Variants in TRIM16 observed in about 807,000 individuals in gnomAD.
TRIM16 encodes the protein tripartite motif containing 16, also known as tripartite motif-containing protein 16.
A neutral mutation model predicts 50.4 loss-of-function variants in TRIM16; 33 were observed. The observed-to-expected ratio is 0.65, with a 90% CI of 0.50 to 0.88. TRIM16 has a LOEUF of 0.88. Ranked by LOEUF, TRIM16 falls within the 40% of genes least tolerant of loss-of-function variation. The probability of loss-of-function intolerance (pLI) is 0.00; values close to 1 mark genes in which losing one functional copy is unlikely to be tolerated. For missense variants in TRIM16, 581 were observed against 686.8 expected (o/e 0.85, Z 1.72); for synonymous variants, 229 against 270.7 (o/e 0.85, Z 1.51).
intron 7 of TRIM16, among the ~76,000 whole-genome samples, chr17:15,650,036 G>C (rs558343235): frequency 2.0e-5 from 3 of 152,194 alleles, no homozygotes; most frequent in Non-Finnish European, 4.4e-5. Context: ...TGACTCATTG[G>C]CATCTGGAAT....
chr17:15,676,422 G>T (rs1482164894), intron 6 of TRIM16, among the ~76,000 whole-genome samples: 1 of 135,212 alleles, frequency 7.4e-6, no homozygotes, highest in African/African-American at 2.9e-5. Flanking sequence ...AGAAACCTGA[G>T]AATTTTTTCT....
intron 7 of TRIM16, among the ~76,000 whole-genome samples, chr17:15,645,957 A>G (rs1372080929): frequency 2.6e-5 from 4 of 152,138 alleles, no homozygotes; most frequent in Non-Finnish European, 5.9e-5. Context: ...TCCAGGGGAG[A>G]GAAAAGGAAC....
At chr17:15,679,079 A>G (rs1989069520) in intron 4 of TRIM16, among the ~76,000 whole-genome samples, 1 of 152,074 alleles carries the variant, frequency 6.6e-6, no homozygotes, top group Non-Finnish European at 1.5e-5. Flanking sequence ...GGATCTCACC[A>G]TGTTGTCCAG....
At chr17:15,673,646 C>A in intron 6 of TRIM16, among the ~76,000 whole-genome samples, 1 of 150,574 alleles carries the variant, frequency 6.6e-6, no homozygotes. Flanking sequence ...TTCATGGAAA[C>A]CAAAAAAGTT....
intron 8 of TRIM16, among the ~76,000 whole-genome samples, chr17:15,639,458 G>A (rs1987016693): frequency 6.7e-6 from 1 of 148,272 alleles, no homozygotes; most frequent in Non-Finnish European, 1.5e-5. Flanking sequence ...CAGGATTAAG[G>A]AAGAGCGGGG....
chr17:15,662,690 C>T (rs762746196), intron 6 of TRIM16, among the ~76,000 whole-genome samples: 17 of 152,228 alleles, frequency 1.1e-4, no homozygotes, highest in African/African-American at 1.7e-4. Context: ...GCTGACTACA[C>T]ATTCTGTGCA....
intron 6 of TRIM16, among the ~76,000 whole-genome samples, chr17:15,670,423 C>T (rs951614503): frequency 1.3e-5 from 2 of 152,166 alleles, no homozygotes; most frequent in African/African-American, 4.8e-5. Flanking sequence ...CGAAGCGTCC[C>T]TATGCCCATT....
chr17:15,636,245 C>G lies in TRIM16; in HGVS notation c.640G>C (p.Val214Leu). 6.2e-7 allele frequency: 1 copy of G among 1,608,608 alleles called. No individual in the cohort carries two copies. Among genetic ancestry groups the G allele is most frequent in the African/African-American group, 1.4e-5 (1 of 73,846 alleles). The change falls in exon 9 of 12, where the codon GTG becomes CTG. Residue 214 changes from valine to leucine, a missense_variant. Val to Leu is a conservative substitution (Grantham distance 32). Around this residue, in one of 3 missense-constraint regions of TRIM16, gnomAD observed 450 missense variants for 544.3 expected, o/e 0.83. Coordinates refer to ENST00000649191, the MANE Select transcript of TRIM16 (RefSeq NM_001348119.1). ...AGTTCCCCAAACTGCATTTCAGCCA[C>G]CGCTTTGACCTCTGACACCGACACC... ...VLVSVSEVKA[V>L]AEMQFGELLA...
At position 15,651,825 on chromosome 17, in the gene TRIM16, G is replaced by T; in HGVS notation, c.-216C>A. ...ACGACAAGGCAGCTAGAGTACTCAG[G>T]CTCAGGACAGCCGGCTCAGGCTCAG... On this transcript the variant is annotated 5_prime_UTR_variant, in exon 7 of 12. Transcript: ENST00000649191. 7.0e-7 allele frequency: 1 copy of T among 1,437,722 alleles called. No homozygotes were observed. Among genetic ancestry groups the T allele is most frequent in the South Asian group, 1.5e-5 (1 of 67,752 alleles). 89.1% of individuals were successfully genotyped at this position (1,437,722 alleles called of 1,614,324 possible). A position where few individuals can be genotyped will look rare whatever the true frequency, so the allele number is the denominator to read the frequency against.
intron 6 of TRIM16, among the ~76,000 whole-genome samples, chr17:15,664,464 G>A (rs1563010): frequency 0.026 from 4,003 of 152,284 alleles, 110 homozygotes; most frequent in East Asian, 0.13. Context: ...CATTCTAGGA[G>A]GCCGAGGTGG....
At chr17:15,682,821 T>C (rs2151433802) in intron 3 of TRIM16, 33 bp downstream of exon 3, 6 of 1,400,280 alleles carry the variant, frequency 4.3e-6, no homozygotes, top group Non-Finnish European at 5.5e-6. Flanking sequence ...AAGGGAATAT[T>C]AGTAAAATCA....
At chr17:15,683,678 G>C (rs1218699937) in intron 1 of TRIM16, 1 of 156,844 alleles carries the variant, frequency 6.4e-6, no homozygotes, top group African/African-American at 2.4e-5. Flanking sequence ...CCACTTAATA[G>C]TAGGTACAAC....
At chr17:15,681,898 C>A (rs1989199430) in intron 3 of TRIM16, among the ~76,000 whole-genome samples, 2 of 152,174 alleles carry the variant, frequency 1.3e-5, no homozygotes, top group Non-Finnish European at 2.9e-5. Context: ...TCAGTTATTA[C>A]CAAGTACAGG....
chr17:15,652,101 G>T, intron 6 of TRIM16, 155 bp from the exon 7 acceptor site: 1 of 341,298 alleles, frequency 2.9e-6, no homozygotes, highest in Non-Finnish European at 4.2e-6. Flanking sequence ...CCATCTCATA[G>T]AACTGGACAT....
rs1470206438 is a variant in TRIM16, at chr17:15,651,305, T to G, written c.305A>C (p.Glu102Ala). 6.2e-7 allele frequency: 1 copy of G among 1,614,122 alleles called. No individual in the cohort carries two copies. Among genetic ancestry groups the G allele is most frequent in the African/African-American group, 1.3e-5 (1 of 74,938 alleles). Reference sequence around the variant, plus strand: ...CACCTGATGCGGCTGCAAGTGCTCTTCACAGTAATTCACCATGCAGGTTAG... The same window carrying G: ...CACCTGATGCGGCTGCAAGTGCTCTGCACAGTAATTCACCATGCAGGTTAG... Reference protein sequence around the residue: ...SCLTCMVNYCEEHLQPHQVNI... With the variant: ...SCLTCMVNYCAEHLQPHQVNI... The change falls in exon 7 of 12, where the codon GAA (glutamate) becomes GCA (alanine). Residue 102 changes from glutamate (E) to alanine (A), a missense_variant. Physicochemically the swap from Glu to Ala is moderately radical, Grantham distance 107 (BLOSUM62 -1). This residue lies in a region of TRIM16 where 450 missense variants were observed against 544.3 expected (regional missense o/e 0.83). Transcript: ENST00000649191.
At chr17:15,642,000 G>A (rs1333999337) in intron 8 of TRIM16, among the ~76,000 whole-genome samples, 2 of 148,344 alleles carry the variant, frequency 1.3e-5, no homozygotes, top group Non-Finnish European at 1.5e-5. Flanking sequence ...GCACCACCAT[G>A]CCTGGCTAAT....
At position 15,642,431 on chromosome 17, in the gene TRIM16, C is replaced by T. The variant is rs538131729; in HGVS notation, c.615+290G>A. 9.7e-4 allele frequency among the ~76,000 whole-genome samples: 145 copies of T among 148,738 alleles called. 4 individuals are homozygous for T. Among genetic ancestry groups the T allele is most frequent in the African/African-American group, 3.3e-3 (133 of 40,460 alleles). On this transcript the variant is annotated intron_variant, in intron 8 of 11. Transcript: ENST00000649191. The stretch of plus-strand genomic sequence containing the variant: ...AAACTCCCAGCCCCCCACACACATA[C>T]ACCCTGTCAAGACAGCATAAGCAAA...
intron 6 of TRIM16, among the ~76,000 whole-genome samples, chr17:15,656,403 T>C (rs1987983939): frequency 6.6e-6 from 1 of 152,184 alleles, no homozygotes. Flanking sequence ...GCTCCTTGTC[T>C]TAACCAAAAC....
At chr17:15,648,244 AAAAC>A (rs1156917300) in intron 7 of TRIM16, among the ~76,000 whole-genome samples, 90 of 146,392 alleles carry the variant, frequency 6.1e-4, no homozygotes, top group East Asian at 5.6e-3. Flanking sequence ...AAAAAAACAA[AAAAC>A]AAACAAACAA....
Sources: gnomAD v4.1 joint callset for allele counts (sites outside exome capture counted in the v4.1 genomes callset) on GRCh38, gnomAD v4.1.1 for gene constraint, gnomAD v4.1.1 regional missense constraint, MANE v1.5 for transcripts, NCBI Gene and HGNC (gene_info 2026-07-23, HGNC 2026-07-21) for gene names.